The following TYR variants were observed in gnomAD, a reference collection of about 807,000 sequenced individuals.
The protein encoded by TYR is LB24-AB.
Under a neutral mutation model 51.5 loss-of-function variants are expected in TYR, and 58 were observed. The observed-to-expected ratio is 1.13, with a 90% confidence interval of 0.91 to 1.40. The LOEUF is 1.40. Ranked by LOEUF, TYR falls within the 40% of genes most tolerant of loss-of-function variation. The probability of loss-of-function intolerance (pLI) is 0.00; values close to 1 mark genes in which losing one functional copy is unlikely to be tolerated. For missense variants in TYR, 732 were observed against 647.4 expected, an observed-to-expected ratio of 1.13 and a Z score of -1.42; for synonymous variants, 263 against 235.2, an observed-to-expected ratio of 1.12 and a Z score of -1.08.
At chr11:89,223,498 TTC>T (rs1210581010) in intron 2 of TYR, among the ~76,000 whole-genome samples, 1 of 152,228 alleles carries the variant, frequency 6.6e-6, no homozygotes, top group Non-Finnish European at 1.5e-5. Context: ...TCATAACATT[TTC>T]TCTGTTTTGT....
chr11:89,237,317 G>C (rs973508651), intron 3 of TYR, among the ~76,000 whole-genome samples: 1 of 151,956 alleles, frequency 6.6e-6, no homozygotes, highest in African/African-American at 2.4e-5. Context: ...TTTTCTTCTA[G>C]CAGTTTCACA....
chr11:89,220,681 G>A lies in TYR; in HGVS notation c.1037-7142G>A, dbSNP rs199997093. On this transcript the variant is annotated intron_variant, in intron 2 of 4. Coordinates refer to ENST00000263321, the MANE Select transcript of TYR (RefSeq NM_000372.5). ...AGGCAGAAAAATCGCTTGAACCTGG[G>A]AGGCGGAGGTTGCAGTGAGCGGAGA... Among the ~76,000 whole-genome samples the A allele has an allele frequency of 2.6e-5, 4 of 152,246 alleles. No individual in the cohort carries two copies. The East Asian group carries it at 7.7e-4, about 29-fold the overall frequency.
chr11:89,241,307 G>GT (rs1156715885), intron 3 of TYR, among the ~76,000 whole-genome samples: 1 of 152,042 alleles, frequency 6.6e-6, no homozygotes, highest in Non-Finnish European at 1.5e-5. Flanking sequence ...ATTTACCCTC[G>GT]TATGTACTCT....
chr11:89,253,117 C>T (rs1176439350), intron 3 of TYR, among the ~76,000 whole-genome samples: 2 of 151,670 alleles, frequency 1.3e-5, no homozygotes, highest in African/African-American at 4.8e-5. Context: ...TAGAATTTCT[C>T]TTAATTCTTA....
intron 3 of TYR, among the ~76,000 whole-genome samples, chr11:89,249,916 C>T (rs1410597267): frequency 2.0e-5 from 3 of 151,942 alleles, no homozygotes; most frequent in Non-Finnish European, 1.5e-5. Flanking sequence ...AAGGAAGCTT[C>T]CTTCATGCCT....
rs13312738 is a variant in TYR, at chr11:89,177,949, G to A, written c.-5G>A. The A allele has an allele frequency of 1.9e-6, 3 of 1,613,908 alleles. No individual in the cohort carries two copies. The highest frequency in any genetic ancestry group is 1.7e-4 in the Middle Eastern group (1 of 5,898). ...CCTGCAGACCTTGTGAGGACTAGAGGAAGAATGCTCCTGGCTGTTTTGTAC... is the reference window on the plus strand; with the variant it reads ...CCTGCAGACCTTGTGAGGACTAGAGAAAGAATGCTCCTGGCTGTTTTGTAC... On this transcript the variant is annotated 5_prime_UTR_variant, in exon 1 of 5. Coordinates refer to ENST00000263321, the MANE Select transcript of TYR (RefSeq NM_000372.5).
intron 3 of TYR, among the ~76,000 whole-genome samples, chr11:89,257,678 G>A (rs551688066): frequency 7.0e-4 from 107 of 152,130 alleles, no homozygotes; most frequent in Middle Eastern, 3.4e-3. Context: ...GAAAAGATGC[G>A]TAGCTGCTGC....
intron 2 of TYR, among the ~76,000 whole-genome samples, chr11:89,195,138 C>G (rs926175943): frequency 6.6e-6 from 1 of 152,146 alleles, no homozygotes; most frequent in East Asian, 1.9e-4. Context: ...ATACTCTGCT[C>G]TCTCAATAAA....
At chr11:89,291,862 C>A (rs1270387143) in intron 4 of TYR, among the ~76,000 whole-genome samples, 1 of 151,928 alleles carries the variant, frequency 6.6e-6, no homozygotes, top group Non-Finnish European at 1.5e-5. Flanking sequence ...TTTTAACTCT[C>A]TTACAGCTTC....
intron 3 of TYR, among the ~76,000 whole-genome samples, chr11:89,254,502 C>T (rs1371218501): frequency 1.3e-5 from 2 of 151,570 alleles, no homozygotes; most frequent in Non-Finnish European, 3.0e-5. Context: ...AATGTCGCTG[C>T]TTTTTATTGG....
chr11:89,247,589 G>A (rs1423357932), intron 3 of TYR, among the ~76,000 whole-genome samples: 2 of 151,982 alleles, frequency 1.3e-5, no homozygotes, highest in African/African-American at 4.8e-5. Context: ...AAAGGCAGGG[G>A]GAAAAAGAAA....
intron 3 of TYR, among the ~76,000 whole-genome samples, chr11:89,262,024 A>T (rs563772874): frequency 6.6e-6 from 1 of 152,252 alleles, no homozygotes; most frequent in East Asian, 1.9e-4. Context: ...AATATACCAA[A>T]GCCATGGAGA....
At chr11:89,226,836 C>T (rs1415518764) in intron 2 of TYR, among the ~76,000 whole-genome samples, 3 of 152,118 alleles carry the variant, frequency 2.0e-5, no homozygotes, top group Admixed American at 6.6e-5. Flanking sequence ...TAATAATATG[C>T]CCTTCGTCGT....
intron 1 of TYR, among the ~76,000 whole-genome samples, chr11:89,183,161 T>C (rs2135246136): frequency 6.6e-6 from 1 of 152,286 alleles, no homozygotes; most frequent in South Asian, 2.1e-4. Flanking sequence ...ATCTGGCAGT[T>C]TATTGCTATT....
chr11:89,191,283 C>T lies in TYR; in HGVS notation c.901C>T (p.Pro301Ser). 1 of 1,613,680 alleles carries T rather than the reference C, an allele frequency of 6.2e-7. No homozygotes were observed. The highest frequency in any genetic ancestry group is 8.5e-7 in the Non-Finnish European group (1 of 1,179,790). Residue 301 changes from proline (P) to serine (S), a missense_variant, in exon 2 of 5, where the codon CCT becomes TCT. Coordinates refer to ENST00000263321, the MANE Select transcript of TYR (RefSeq NM_000372.5). ...GTPEGPLRRN[P>S]GNHDKSRTPR... ...GCCCGAGGGACCTTTACGGCGTAAT[C>T]CTGGAAACCATGACAAATCCAGAAC...
intron 2 of TYR, among the ~76,000 whole-genome samples, chr11:89,194,439 T>G (rs1367408457): frequency 6.6e-6 from 1 of 152,176 alleles, no homozygotes; most frequent in Non-Finnish European, 1.5e-5. Flanking sequence ...GGTCCAATTT[T>G]CCCACTGTAT....
At chr11:89,209,980 C>T (rs935756661) in intron 2 of TYR, among the ~76,000 whole-genome samples, 1 of 152,060 alleles carries the variant, frequency 6.6e-6, no homozygotes, top group Non-Finnish European at 1.5e-5. Context: ...ACATCAAAGA[C>T]CAAAGGTAGA....
At chr11:89,204,534 G>A (rs1166231294) in intron 2 of TYR, among the ~76,000 whole-genome samples, 1 of 151,622 alleles carries the variant, frequency 6.6e-6, no homozygotes, top group Non-Finnish European at 1.5e-5. Flanking sequence ...AGCTCAGATT[G>A]CAGGTGCCCA....
intron 2 of TYR, among the ~76,000 whole-genome samples, chr11:89,217,355 T>G (rs1943844498): frequency 6.6e-6 from 1 of 152,184 alleles, no homozygotes; most frequent in Admixed American, 6.6e-5. Flanking sequence ...CCAATTTGGA[T>G]GTTTCTGGTT....
Sources: gnomAD v4.1 joint callset for allele counts (sites outside exome capture counted in the v4.1 genomes callset) on GRCh38, gnomAD v4.1.1 for gene constraint, MANE v1.5 for transcripts, NCBI Gene and HGNC (gene_info 2026-07-23, HGNC 2026-07-21) for gene names.